Variants in SIPA1L2 observed in about 807,000 individuals in gnomAD.
SIPA1L2 encodes signal-induced proliferation-associated 1-like protein 2.
A neutral mutation model predicts 163.9 loss-of-function variants in SIPA1L2; 56 were observed. The observed-to-expected ratio is 0.34, with a 90% CI of 0.28 to 0.43. The LOEUF is 0.43. SIPA1L2 is among the 20% of genes least tolerant of loss of function. SIPA1L2 has a pLI of 1.00. For missense variants in SIPA1L2, 1,974 were observed against 2,193.5 expected (o/e 0.90, Z 2.00); for synonymous variants, 877 against 865.7 (o/e 1.01, Z -0.23).
chr1:232,527,357 A>T (rs1207726089), intron 2 of SIPA1L2, among the ~76,000 whole-genome samples: 1 of 152,214 alleles, frequency 6.6e-6, no homozygotes. Flanking sequence ...TAATGCTAGG[A>T]TCAATCCTCA....
At chr1:232,626,320 C>T (rs1663078299) in intron 1 of SIPA1L2, among the ~76,000 whole-genome samples, 1 of 150,760 alleles carries the variant, frequency 6.6e-6, no homozygotes, top group African/African-American at 2.4e-5. Flanking sequence ...CTTTCTGGCC[C>T]AAAGGAGCAT....
intron 3 of SIPA1L2, 61 bp downstream of exon 3, chr1:232,513,796 G>T (rs1012319684): frequency 4.7e-6 from 7 of 1,501,914 alleles, no homozygotes; most frequent in Non-Finnish European, 6.2e-6. Context: ...GCAAAACATT[G>T]TGACTGGTTC....
At chr1:232,561,177 T>C (rs1018051408) in intron 2 of SIPA1L2, among the ~76,000 whole-genome samples, 6 of 152,234 alleles carry the variant, frequency 3.9e-5, no homozygotes, top group Admixed American at 1.3e-4. Flanking sequence ...TGTGAATTCC[T>C]AGACCTTTTT....
chr1:232,406,581 A>G (rs1392876793), intron 19 of SIPA1L2, among the ~76,000 whole-genome samples: 2 of 152,256 alleles, frequency 1.3e-5, no homozygotes, highest in Non-Finnish European at 2.9e-5. Flanking sequence ...CACCAGGAAC[A>G]TAAGGCCAAG....
chr1:232,473,199 C>T (rs1664881997), intron 7 of SIPA1L2, among the ~76,000 whole-genome samples: 2 of 152,214 alleles, frequency 1.3e-5, no homozygotes, highest in African/African-American at 4.8e-5. Context: ...AATTGAAATA[C>T]ATGATTCATA....
chr1:232,616,034 G>C (rs1558306719), intron 1 of SIPA1L2, among the ~76,000 whole-genome samples: 1 of 152,166 alleles, frequency 6.6e-6, no homozygotes, highest in Non-Finnish European at 1.5e-5. Context: ...TGCACTTACA[G>C]GTTCAGAAAT....
intron 1 of SIPA1L2, among the ~76,000 whole-genome samples, chr1:232,615,593 G>T (rs576029671): frequency 1.8e-4 from 27 of 152,308 alleles, no homozygotes; most frequent in Admixed American, 7.2e-4. Flanking sequence ...CATTCATCAA[G>T]TGTCTCTTAA....
In SIPA1L2 at chr1:232,464,731, A is replaced by T. The variant is rs570700147; in HGVS notation, c.2820+109T>A. 35 of 887,334 alleles carry T rather than the reference A, an allele frequency of 3.9e-5. No individual in the cohort carries two copies. In the Admixed American group the frequency reaches 1.1e-3, roughly 27 times the overall value. The allele number at this position is 887,334 out of a possible 1,614,324, so 55.0% of individuals were successfully genotyped here. On this transcript the variant is annotated intron_variant, in intron 9 of 22. Coordinates refer to ENST00000674635, the MANE Select transcript of SIPA1L2 (RefSeq NM_020808.5). ...AGCTCTGTATCTGTAACAAATAGTAATGCATTCCCTAATTGGTATAATCAT... is the reference window on the plus strand; with the variant it reads ...AGCTCTGTATCTGTAACAAATAGTATTGCATTCCCTAATTGGTATAATCAT...
intron 15 of SIPA1L2, among the ~76,000 whole-genome samples, chr1:232,438,610 T>C (rs1208601315): frequency 6.6e-6 from 1 of 152,250 alleles, no homozygotes; most frequent in Admixed American, 6.5e-5. Context: ...GCTGCAGAGC[T>C]GAACACACTT....
chr1:232,539,502 C>G (rs1657511451), intron 2 of SIPA1L2, among the ~76,000 whole-genome samples: 1 of 152,318 alleles, frequency 6.6e-6, no homozygotes. Context: ...GCATCTTTGC[C>G]TTCAATTCTG....
intron 1 of SIPA1L2, among the ~76,000 whole-genome samples, chr1:232,587,476 T>C (rs933615609): frequency 2.6e-5 from 4 of 152,196 alleles, no homozygotes; most frequent in African/African-American, 9.6e-5. Context: ...TCCCCAAGGC[T>C]CTTCAACTGG....
chr1:232,486,878 A>G (rs12126290), intron 5 of SIPA1L2, among the ~76,000 whole-genome samples: 38,315 of 152,112 alleles, frequency 0.25, 4,964 homozygotes, highest in Admixed American at 0.35. Context: ...ATCATAATAT[A>G]AAGTAAAGGA....
rs373717822 is a variant in SIPA1L2 at position 232,515,035 on chromosome 1, C to T, written c.305G>A (p.Arg102Gln). ...GATGCTTTCATAACTGGTCTGAGAC[C>T]GGCTTTCCCACAGTGCCTTGCATGT... ...ELTCKALWES[R>Q]SQTSYESITS... The change falls in exon 3 of 23, where the codon CGG (arginine) becomes CAG (glutamine). Residue 102 changes from arginine (R) to glutamine (Q), a missense_variant. Around this residue, in one of 3 missense-constraint regions of SIPA1L2, gnomAD observed 607 missense variants for 624.0 expected, o/e 0.97. Transcript: ENST00000674635. 27 of 1,614,006 alleles carry T rather than the reference C, an allele frequency of 1.7e-5. No homozygotes were observed. Among genetic ancestry groups the T allele is most frequent in the Middle Eastern group, 1.6e-4 (1 of 6,084 alleles).
At position 232,460,920 on chromosome 1, in the gene SIPA1L2, A is replaced by G. The variant is rs1473514683; in HGVS notation, c.3062T>C (p.Ile1021Thr). ...LRTSVTVKVV[I>T]IQPHDDGSPR... The stretch of plus-strand genomic sequence containing the variant: ...CGAGCCGTCATCATGGGGCTGGATG[A>G]TGACCACCTTCACAGTCACAGAAGT... Residue 1021 changes from isoleucine (I) to threonine (T), a missense_variant, in exon 10 of 23, where the codon ATC (isoleucine) becomes ACC (threonine). Ile to Thr is a moderately conservative substitution (Grantham distance 89, BLOSUM62 -1). Transcript: ENST00000674635. 6.2e-7 allele frequency: 1 copy of G among 1,614,158 alleles called. No homozygotes were observed.
chr1:232,604,071 A>T (rs549337357), intron 1 of SIPA1L2, among the ~76,000 whole-genome samples: 1 of 152,168 alleles, frequency 6.6e-6, no homozygotes, highest in East Asian at 1.9e-4. Flanking sequence ...GATTAATTAC[A>T]TCAAGCAGAA....
chr1:232,513,620 A>C (rs187136236), intron 3 of SIPA1L2, among the ~76,000 whole-genome samples: 46 of 152,306 alleles, frequency 3.0e-4, no homozygotes, highest in Non-Finnish European at 1.2e-4. Flanking sequence ...AAGAGAAACC[A>C]AAAGGGCATT....
Position 232,492,666 on chromosome 1 carries a change from G to A in SIPA1L2, c.1617+861C>T, listed in dbSNP as rs549245909. Among the ~76,000 whole-genome samples the A allele has an allele frequency of 2.6e-5, 4 of 152,328 alleles. No individual in the cohort carries two copies. The East Asian group carries it at 7.7e-4, about 29-fold the overall frequency. On this transcript the variant is annotated intron_variant, in intron 4 of 22. Transcript: ENST00000674635. ...AAGCGTGGGTAGTAATGACTGTCCTGCTGAGTTTTGGACTTGCATGGGGCC... is the reference window on the plus strand; with the variant it reads ...AAGCGTGGGTAGTAATGACTGTCCTACTGAGTTTTGGACTTGCATGGGGCC...
At position 232,556,671 on chromosome 1, in the gene SIPA1L2, T is replaced by C. The variant is rs576872321; in HGVS notation, c.-270+17503A>G. On this transcript the variant is annotated intron_variant, in intron 2 of 22. Coordinates refer to ENST00000674635, the MANE Select transcript of SIPA1L2 (RefSeq NM_020808.5). ...AGCTGTTATCAATCACACTTGAGAATCTTTGAACTTTGCTTTGTAAAACTA... is the reference window on the plus strand; with the variant it reads ...AGCTGTTATCAATCACACTTGAGAACCTTTGAACTTTGCTTTGTAAAACTA... Among the ~76,000 whole-genome samples the C allele has an allele frequency of 2.0e-5, 3 of 151,770 alleles. No individual in the cohort carries two copies. The East Asian group carries it at 5.8e-4, about 29-fold the overall frequency.
chr1:232,573,826 C>G (rs1473363700), intron 2 of SIPA1L2, among the ~76,000 whole-genome samples: 1 of 152,262 alleles, frequency 6.6e-6, no homozygotes, highest in East Asian at 1.9e-4. Context: ...AACATGCTCA[C>G]GTGTTGTACC....
Sources: gnomAD v4.1 joint callset for allele counts (sites outside exome capture counted in the v4.1 genomes callset) on GRCh38, gnomAD v4.1.1 for gene constraint, gnomAD v4.1.1 regional missense constraint, MANE v1.5 for transcripts, NCBI Gene and HGNC (gene_info 2026-07-23, HGNC 2026-07-21) for gene names.